FBXO4: variants seen among roughly 807,000 people sequenced by gnomAD.
The protein encoded by FBXO4 is F-box only protein 4.
Under a neutral mutation model 43.7 loss-of-function variants are expected in FBXO4, and 36 were observed. The observed-to-expected ratio is 0.82, with a 90% CI of 0.63 to 1.09. The LOEUF (loss-of-function observed/expected upper bound fraction) is 1.09. Among genes scored for constraint, FBXO4 ranks in the 50% least tolerant of loss-of-function variants. The pLI is 0.00. For synonymous variants in FBXO4, 180 were observed against 165.6 expected (o/e 1.09, Z -0.67); for missense variants, 435 against 474.1 (o/e 0.92, Z 0.77).
chr5:42,001,826 G>T, the FBXO4 span, among the ~76,000 whole-genome samples: 19 of 151,966 alleles, frequency 1.3e-4, no homozygotes, highest in Non-Finnish European at 2.5e-4. Context: ...TAGTAGTTGG[G>T]ACTACAGCGC....
chr5:42,031,644 A>T, the FBXO4 span, among the ~76,000 whole-genome samples: 1 of 152,132 alleles, frequency 6.6e-6, no homozygotes, highest in Non-Finnish European at 1.5e-5. Flanking sequence ...AAACAAAAAA[A>T]GAAAGGTCAC....
chr5:41,940,795 A>G (rs1487710227), intron 6 of FBXO4, among the ~76,000 whole-genome samples: 1 of 152,178 alleles, frequency 6.6e-6, no homozygotes, highest in African/African-American at 2.4e-5. Flanking sequence ...TAGCTTTACC[A>G]TTAGGAGGAG....
rs1311701983 is a variant in FBXO4 at position 41,939,634 on chromosome 5, C to CATGGCTGG, written c.1074+18_1074+19insATGGCTGG. On this transcript the variant is annotated intron_variant, in intron 6 of 6. Transcript: ENST00000281623. ...CATGGCTGGTAAGATCATTTATACT[C>CATGGCTGG]TAGTGACAAAAATTTTATTTTGCAC... 8 of 1,553,666 alleles carry CATGGCTGG rather than the reference C, an allele frequency of 5.1e-6. No individual in the cohort carries two copies. Among genetic ancestry groups the CATGGCTGG allele is most frequent in the Non-Finnish European group, 7.0e-6 (8 of 1,150,358 alleles).
At chr5:41,977,243 T>C in the FBXO4 span, among the ~76,000 whole-genome samples, 2 of 152,230 alleles carry the variant, frequency 1.3e-5, no homozygotes, top group South Asian at 2.1e-4. Context: ...CTTTTAGTCA[T>C]ACTAATATCT....
At chr5:41,933,806 T>G in intron 3 of FBXO4, 140 bp from the exon 4 acceptor site, 1 of 633,668 alleles carries the variant, frequency 1.6e-6, no homozygotes. Flanking sequence ...CTTCAACGTA[T>G]ACATTTTATT....
the FBXO4 span, among the ~76,000 whole-genome samples, chr5:42,007,114 A>G: frequency 6.6e-6 from 1 of 151,182 alleles, no homozygotes; most frequent in Non-Finnish European, 1.5e-5. Flanking sequence ...TTATTTGGAA[A>G]TTTACTTGCA....
chr5:42,022,896 A>G, the FBXO4 span, among the ~76,000 whole-genome samples: 1 of 152,134 alleles, frequency 6.6e-6, no homozygotes, highest in Non-Finnish European at 1.5e-5. Context: ...CCATGAGAAC[A>G]TAAGCAAGCA....
chr5:41,994,761 C>A, the FBXO4 span, among the ~76,000 whole-genome samples: 5 of 152,112 alleles, frequency 3.3e-5, no homozygotes, highest in Admixed American at 6.5e-5. Flanking sequence ...TCTTAATTTC[C>A]AGTTCAGAAT....
At chr5:41,964,582 C>T in the FBXO4 span, among the ~76,000 whole-genome samples, 2 of 141,570 alleles carry the variant, frequency 1.4e-5, no homozygotes, top group Non-Finnish European at 3.1e-5. Context: ...AAATGATTTT[C>T]AAGCCAAGTG....
At chr5:42,023,144 G>A in the FBXO4 span, among the ~76,000 whole-genome samples, 3 of 152,052 alleles carry the variant, frequency 2.0e-5, no homozygotes, top group Admixed American at 6.6e-5. Context: ...GACCGAATAC[G>A]TGGGCAACCT....
chr5:42,023,082 T>C, the FBXO4 span, among the ~76,000 whole-genome samples: 1 of 152,200 alleles, frequency 6.6e-6, no homozygotes, highest in South Asian at 2.1e-4. Flanking sequence ...ATTGTCTGAC[T>C]ACGATAATGA....
At chr5:42,035,892 C>T in the FBXO4 span, among the ~76,000 whole-genome samples, 1 of 151,998 alleles carries the variant, frequency 6.6e-6, no homozygotes, top group East Asian at 1.9e-4. Context: ...ACATTTTTAA[C>T]TGAAACTTGC....
chr5:41,971,523 A>G, the FBXO4 span, among the ~76,000 whole-genome samples: 17 of 152,062 alleles, frequency 1.1e-4, no homozygotes, highest in African/African-American at 4.1e-4. Context: ...TCTATGCATG[A>G]CTAGCATTTC....
the FBXO4 span, among the ~76,000 whole-genome samples, chr5:41,965,984 C>T: frequency 2.3e-4 from 35 of 152,254 alleles, no homozygotes; most frequent in East Asian, 6.4e-3. Context: ...ATGATGAGTT[C>T]GTGTCCTTTG....
the FBXO4 span, among the ~76,000 whole-genome samples, chr5:41,973,503 C>T: frequency 6.6e-6 from 1 of 152,074 alleles, no homozygotes; most frequent in South Asian, 2.1e-4. Context: ...ATGGTGAGAT[C>T]CTGTTTCTAC....
At chr5:41,963,570 C>T in the FBXO4 span, among the ~76,000 whole-genome samples, 4 of 151,944 alleles carry the variant, frequency 2.6e-5, no homozygotes, top group Non-Finnish European at 5.9e-5. Context: ...ATTTTGTATA[C>T]GTATTTTGTC....
At chr5:41,975,799 T>C in the FBXO4 span, among the ~76,000 whole-genome samples, 1 of 152,156 alleles carries the variant, frequency 6.6e-6, no homozygotes, top group Non-Finnish European at 1.5e-5. Flanking sequence ...ACTTAGTGTG[T>C]TAGGCTGTTT....
At chr5:41,979,481 G>A in the FBXO4 span, among the ~76,000 whole-genome samples, 1 of 152,286 alleles carries the variant, frequency 6.6e-6, no homozygotes, top group African/African-American at 2.4e-5. Flanking sequence ...GTTAGCAAAT[G>A]TTTAACAATC....
At chr5:42,038,020 A>G in the FBXO4 span, among the ~76,000 whole-genome samples, 8,510 of 152,116 alleles carry the variant, frequency 0.056, 583 homozygotes, top group African/African-American at 0.14. Flanking sequence ...AGCATGGGCA[A>G]CCCTTTCAGA....
Sources: allele counts gnomAD v4.1 joint callset (sites outside exome capture counted in the v4.1 genomes callset), GRCh38; gene constraint gnomAD v4.1.1; transcripts MANE v1.5; gene names NCBI Gene and HGNC (gene_info 2026-07-23, HGNC 2026-07-21).